TACR1: variants seen among roughly 807,000 people sequenced by gnomAD.
TACR1 encodes the protein substance-P receptor.
Under a neutral mutation model 35.8 loss-of-function variants are expected in TACR1, and 25 were observed. That is an observed-to-expected ratio of 0.70 (90% CI 0.51 to 0.98). The LOEUF is 0.98. TACR1 is among the 50% of genes least tolerant of loss of function. The probability of loss-of-function intolerance (pLI) is 0.00; values close to 1 mark genes in which losing one functional copy is unlikely to be tolerated. For synonymous variants in TACR1, 195 were observed against 206.7 expected, an observed-to-expected ratio of 0.94 and a Z score of 0.48; for missense variants, 478 against 522.9, an observed-to-expected ratio of 0.91 and a Z score of 0.84.
At chr2:75,125,448 G>C (rs948598045) in intron 1 of TACR1, among the ~76,000 whole-genome samples, 1 of 152,124 alleles carries the variant, frequency 6.6e-6, no homozygotes, top group African/African-American at 2.4e-5. Context: ...GCCTCCCAAA[G>C]TGCTGGGATT....
At chr2:75,136,148 C>T (rs1439315674) in intron 1 of TACR1, among the ~76,000 whole-genome samples, 1 of 152,158 alleles carries the variant, frequency 6.6e-6, no homozygotes, top group African/African-American at 2.4e-5. Context: ...GAAACCCAGG[C>T]ACATCATCTC....
chr2:75,126,343 A>AG (rs1674071942), intron 1 of TACR1, among the ~76,000 whole-genome samples: 2 of 152,168 alleles, frequency 1.3e-5, no homozygotes, highest in Admixed American at 6.5e-5. Context: ...ATGGGCATTT[A>AG]GGCTGATTCC....
At chr2:75,117,376 A>G (rs1327251405) in intron 2 of TACR1, among the ~76,000 whole-genome samples, 1 of 152,236 alleles carries the variant, frequency 6.6e-6, no homozygotes, top group African/African-American at 2.4e-5. Context: ...CATTTTATGT[A>G]ATTAGCTTAC....
intron 1 of TACR1, among the ~76,000 whole-genome samples, chr2:75,148,617 A>G (rs1449233330): frequency 2.0e-5 from 3 of 152,126 alleles, no homozygotes; most frequent in African/African-American, 7.2e-5. Flanking sequence ...AATTCTGGAT[A>G]TTAGACCTTT....
intron 2 of TACR1, among the ~76,000 whole-genome samples, chr2:75,070,061 A>G (rs933593174): frequency 6.6e-6 from 1 of 152,146 alleles, no homozygotes; most frequent in African/African-American, 2.4e-5. Flanking sequence ...TATCTCATTT[A>G]TTATTTATTC....
chr2:75,095,433 A>G (rs563919987), intron 2 of TACR1, among the ~76,000 whole-genome samples: 1 of 152,276 alleles, frequency 6.6e-6, no homozygotes, highest in East Asian at 1.9e-4. Context: ...GGACAACCTC[A>G]CAGAAGAGGT....
At chr2:75,089,195 C>T (rs112026117) in intron 2 of TACR1, among the ~76,000 whole-genome samples, 181 of 152,284 alleles carry the variant, frequency 1.2e-3, no homozygotes, top group Middle Eastern at 3.4e-3. Context: ...CTGTCATGAC[C>T]TTATATAGTA....
At chr2:75,117,133 TTGTGTG>T (rs3079167) in intron 2 of TACR1, among the ~76,000 whole-genome samples, 64,903 of 148,688 alleles carry the variant, frequency 0.44, 14,833 homozygotes, top group Non-Finnish European at 0.53. Context: ...ACTTTGTGGA[TTGTGTG>T]TGTGTGTGTG....
chr2:75,183,816 C>T (rs1282064895), intron 1 of TACR1, among the ~76,000 whole-genome samples: 3 of 152,160 alleles, frequency 2.0e-5, no homozygotes, highest in South Asian at 2.1e-4. Flanking sequence ...GTGTCAATAA[C>T]GTATTGTGTT....
At chr2:75,102,388 GA>G (rs1361207037) in intron 2 of TACR1, among the ~76,000 whole-genome samples, 6 of 152,104 alleles carry the variant, frequency 3.9e-5, no homozygotes, top group African/African-American at 1.4e-4. Flanking sequence ...TACGCAGCAG[GA>G]ACTAACTGAT....
At chr2:75,138,656 G>A (rs113813979) in intron 1 of TACR1, among the ~76,000 whole-genome samples, 5 of 152,116 alleles carry the variant, frequency 3.3e-5, no homozygotes, top group East Asian at 1.9e-4. Flanking sequence ...CTGGGTGGTC[G>A]TCATGTCAAG....
chr2:75,138,766 A>G (rs11126452), intron 1 of TACR1, among the ~76,000 whole-genome samples: 17 of 148,948 alleles, frequency 1.1e-4, no homozygotes, highest in South Asian at 4.3e-4. Context: ...TACTCATTCA[A>G]TCATTCATTC....
intron 2 of TACR1, among the ~76,000 whole-genome samples, chr2:75,087,645 C>T (rs1260012958): frequency 1.3e-5 from 2 of 152,206 alleles, no homozygotes; most frequent in African/African-American, 4.8e-5. Context: ...CCAGCTGTAT[C>T]TCCACATTGT....
intron 1 of TACR1, among the ~76,000 whole-genome samples, chr2:75,162,488 T>G (rs1273165210): frequency 6.6e-6 from 1 of 152,178 alleles, no homozygotes; most frequent in Non-Finnish European, 1.5e-5. Flanking sequence ...TTCTTCTATT[T>G]TAGGAAAGAG....
At chr2:75,117,152 T>A (rs1411359818) in intron 2 of TACR1, among the ~76,000 whole-genome samples, 5 of 152,114 alleles carry the variant, frequency 3.3e-5, no homozygotes, top group Non-Finnish European at 7.4e-5. Context: ...TGTGTGTGTG[T>A]GTGTGTGTGT....
At position 75,120,656 on chromosome 2, in the gene TACR1, A is replaced by G. The variant is rs1673949993; in HGVS notation, c.502T>C (p.Tyr168His). The G allele has an allele frequency of 1.2e-6, 2 of 1,613,992 alleles. No individual in the cohort carries two copies. The highest frequency in any genetic ancestry group is 1.7e-6 in the Non-Finnish European group (2 of 1,180,020). The change falls in exon 2 of 5, where the codon TAC becomes CAC. Residue 168 changes from tyrosine (Y) to histidine (H), a missense_variant. By Grantham distance (83) the Tyr-to-His change is moderately conservative. Coordinates refer to ENST00000305249, the MANE Select transcript of TACR1 (RefSeq NM_001058.4). ...ALLLAFPQGY[Y>H]STTETMPSRV... ...CTGGGCATGGTCTCTGTGGTTGAGT[A>G]GTAGCCCTGGGGGAAGGCCAGCAGG...
intron 1 of TACR1, among the ~76,000 whole-genome samples, chr2:75,133,142 G>A (rs1017554672): frequency 3.3e-5 from 5 of 152,180 alleles, no homozygotes; most frequent in Non-Finnish European, 7.3e-5. Context: ...CAGCTTCACT[G>A]CTGTCAGTAT....
At chr2:75,146,403 A>AT (rs1403045747) in intron 1 of TACR1, among the ~76,000 whole-genome samples, 3 of 152,320 alleles carry the variant, frequency 2.0e-5, no homozygotes, top group South Asian at 4.1e-4. Flanking sequence ...AATTACAGGA[A>AT]TGAGTCACCA....
intron 2 of TACR1, among the ~76,000 whole-genome samples, chr2:75,103,909 A>G (rs563787424): frequency 6.6e-6 from 1 of 152,238 alleles, no homozygotes; most frequent in South Asian, 2.1e-4. Flanking sequence ...AAGTAGATAC[A>G]TAAAAGATAA....
Sources: allele counts gnomAD v4.1 joint callset (sites outside exome capture counted in the v4.1 genomes callset), GRCh38; gene constraint gnomAD v4.1.1; transcripts MANE v1.5; gene names NCBI Gene and HGNC (gene_info 2026-07-23, HGNC 2026-07-21).